The following SCAPER variants were observed in gnomAD, a reference collection of about 807,000 sequenced individuals.
The protein encoded by SCAPER is S-phase cyclin A associated protein in the ER, also known as S phase cyclin A-associated protein in the endoplasmic reticulum.
A neutral mutation model predicts 182.2 loss-of-function variants in SCAPER; 98 were observed. The ratio of observed to expected loss-of-function variants is 0.54; its 90% CI spans 0.46 to 0.64. The LOEUF (loss-of-function observed/expected upper bound fraction) is 0.64, where lower values mean the gene tolerates loss of function less well. SCAPER is among the 30% of genes least tolerant of loss of function. The pLI is 0.00. For missense variants in SCAPER, 1,432 were observed against 1,690.0 expected, an observed-to-expected ratio of 0.85 and a Z score of 2.68; for synonymous variants, 605 against 564.6, an observed-to-expected ratio of 1.07 and a Z score of -1.01.
intron 23 of SCAPER, among the ~76,000 whole-genome samples, chr15:76,509,479 C>T (rs374190031): frequency 7.2e-5 from 11 of 152,298 alleles, no homozygotes; most frequent in East Asian, 3.9e-4. Flanking sequence ...TAGAGCACTG[C>T]TTCCCAAACT....
intron 17 of SCAPER, among the ~76,000 whole-genome samples, chr15:76,716,085 G>A (rs8040539): frequency 0.22 from 33,620 of 151,990 alleles, 4,658 homozygotes; most frequent in Admixed American, 0.35. Flanking sequence ...TCCCTACTTT[G>A]GGGAAGACAA....
Position 76,766,947 on chromosome 15 carries a change from T to C in SCAPER, c.1390A>G (p.Ile464Val), listed in dbSNP as rs1379805307. 6.2e-7 allele frequency: 1 copy of C among 1,606,302 alleles called. No homozygotes were observed. The highest frequency in any genetic ancestry group is 8.5e-7 in the Non-Finnish European group (1 of 1,177,790). Reference sequence around the variant, plus strand: ...AAATCACTGTCGTTGTCAGTTTCAATGTTAATATCATTGTTTTCTTCAGCT... The same window carrying C: ...AAATCACTGTCGTTGTCAGTTTCAACGTTAATATCATTGTTTTCTTCAGCT... Reference protein sequence around the residue: ...IEAEENNDINIETDNDSDFSA... With the variant: ...IEAEENNDINVETDNDSDFSA... The change falls in exon 11 of 32, where the codon ATT (isoleucine) becomes GTT (valine). Residue 464 changes from isoleucine to valine, a missense_variant. Transcript: ENST00000563290.
At chr15:76,893,345 A>G (rs2074261069) in intron 1 of SCAPER, among the ~76,000 whole-genome samples, 1 of 152,224 alleles carries the variant, frequency 6.6e-6, no homozygotes, top group African/African-American at 2.4e-5. Context: ...AAGTCATTAC[A>G]TAATGATAAA....
At chr15:76,543,216 T>C (rs1167360113) in intron 23 of SCAPER, among the ~76,000 whole-genome samples, 2 of 152,186 alleles carry the variant, frequency 1.3e-5, no homozygotes, top group African/African-American at 2.4e-5. Context: ...TTCGCAACTA[T>C]ATGAATTATT....
chr15:76,621,118 T>C (rs1429376339), intron 22 of SCAPER, among the ~76,000 whole-genome samples: 1 of 152,222 alleles, frequency 6.6e-6, no homozygotes, highest in Non-Finnish European at 1.5e-5. Flanking sequence ...AAACTGCTAA[T>C]GCACACTGCT....
chr15:76,371,539 C>T (rs1420064734), intron 29 of SCAPER, among the ~76,000 whole-genome samples: 1 of 151,256 alleles, frequency 6.6e-6, no homozygotes, highest in Non-Finnish European at 1.5e-5. Flanking sequence ...AGGCTGGTCT[C>T]GAGCTCCTGA....
At chr15:76,897,905 G>A (rs897469208) in intron 1 of SCAPER, among the ~76,000 whole-genome samples, 1 of 151,970 alleles carries the variant, frequency 6.6e-6, no homozygotes, top group African/African-American at 2.4e-5. Flanking sequence ...ATTTCCAGGT[G>A]CACTTAGGTA....
At position 76,411,838 on chromosome 15, in the gene SCAPER, G is replaced by T. The variant is rs546397949; in HGVS notation, c.3312-7159C>A. On this transcript the variant is annotated intron_variant, in intron 26 of 31. Coordinates refer to ENST00000563290, the MANE Select transcript of SCAPER (RefSeq NM_020843.4). The stretch of plus-strand genomic sequence containing the variant: ...TTATTGGATTTGAAACAGTACCTTG[G>T]TATGATTTTATTTTGCATTTCCCTG... Among the ~76,000 whole-genome samples, 6 of 152,074 alleles carry T rather than the reference G, an allele frequency of 3.9e-5. No homozygotes were observed. The East Asian group carries it at 9.7e-4, about 25-fold the overall frequency.
chr15:76,411,090 C>T (rs528047760), intron 26 of SCAPER, among the ~76,000 whole-genome samples: 2 of 152,120 alleles, frequency 1.3e-5, no homozygotes, highest in East Asian at 1.9e-4. Flanking sequence ...CAGAAAGATC[C>T]CTTGTTTTCT....
At chr15:76,706,296 A>T (rs2059260868) in intron 17 of SCAPER, among the ~76,000 whole-genome samples, 1 of 152,180 alleles carries the variant, frequency 6.6e-6, no homozygotes, top group Non-Finnish European at 1.5e-5. Context: ...ACTCAATTAA[A>T]CCATTAAAAG....
rs139321065 is a variant in SCAPER, at chr15:76,799,519, C to A, written c.611+729G>T. Among the ~76,000 whole-genome samples, 98 of 152,112 alleles carry A rather than the reference C, an allele frequency of 6.4e-4. 1 individual carries two copies. In the East Asian group the frequency reaches 0.014, roughly 22 times the overall value. ...CTCAAGTGATCCTCCCACCTCGGCT[C>A]CCCAAAGTGCTGGGATTACAGGTGT... On this transcript the variant is annotated intron_variant, in intron 7 of 31. Coordinates refer to ENST00000563290, the MANE Select transcript of SCAPER (RefSeq NM_020843.4).
At chr15:76,630,123 T>C (rs529742822) in intron 21 of SCAPER, among the ~76,000 whole-genome samples, 2 of 152,284 alleles carry the variant, frequency 1.3e-5, no homozygotes, top group East Asian at 3.9e-4. Context: ...TATTCTCTAT[T>C]TCTGTGGGGT....
chr15:76,502,561 G>A (rs1389253852), intron 24 of SCAPER, among the ~76,000 whole-genome samples: 2 of 151,798 alleles, frequency 1.3e-5, no homozygotes, highest in Non-Finnish European at 2.9e-5. Context: ...ATCACACACC[G>A]GGGCCTGTCG....
At chr15:76,472,786 T>G (rs1249768075) in intron 24 of SCAPER, among the ~76,000 whole-genome samples, 1 of 152,240 alleles carries the variant, frequency 6.6e-6, no homozygotes, top group Non-Finnish European at 1.5e-5. Context: ...CTTCCCATTT[T>G]GAGAGACTTC....
At chr15:76,819,599 C>A (rs1468305189) in intron 5 of SCAPER, among the ~76,000 whole-genome samples, 5 of 152,058 alleles carry the variant, frequency 3.3e-5, no homozygotes, top group Non-Finnish European at 7.4e-5. Flanking sequence ...TCATCATCAT[C>A]AAAGACCAAA....
Position 76,771,776 on chromosome 15 carries a change from A to G in SCAPER, c.1214T>C (p.Ile405Thr). 5.0e-6 allele frequency: 8 copies of G among 1,613,112 alleles called. No homozygotes were observed. The highest frequency in any genetic ancestry group is 6.8e-6 in the Non-Finnish European group (8 of 1,179,396). The change falls in exon 10 of 32, where the codon ATA becomes ACA. Residue 405 changes from isoleucine to threonine, a missense_variant. Physicochemically the swap from Ile to Thr is moderately conservative, Grantham distance 89 (BLOSUM62 -1). Around this residue, in one of 5 missense-constraint regions of SCAPER, gnomAD observed 480 missense variants for 510.2 expected, o/e 0.94. Transcript: ENST00000563290. Reference sequence around the variant, plus strand: ...ATCTGAAGGGTCCATTTCATTTTCTATCCTTGCTTTCTCTGCTGGAAATTT... The same window carrying G: ...ATCTGAAGGGTCCATTTCATTTTCTGTCCTTGCTTTCTCTGCTGGAAATTT... ...EEKFPAEKARIENEMDPSDIS... is the reference protein window; with the variant it reads ...EEKFPAEKARTENEMDPSDIS...
chr15:76,560,168 G>C (rs1220854509), intron 23 of SCAPER, among the ~76,000 whole-genome samples: 2 of 151,992 alleles, frequency 1.3e-5, no homozygotes, highest in Non-Finnish European at 2.9e-5. Context: ...ATTGGGTGTG[G>C]GTCCTTTGGG....
chr15:76,587,314 T>C (rs1178988451), intron 22 of SCAPER, among the ~76,000 whole-genome samples: 1 of 152,186 alleles, frequency 6.6e-6, no homozygotes, highest in Non-Finnish European at 1.5e-5. Context: ...CTTGGTTATT[T>C]CTTTTCTTCT....
chr15:76,727,835 T>C (rs1027593434), intron 17 of SCAPER, among the ~76,000 whole-genome samples: 1 of 151,690 alleles, frequency 6.6e-6, no homozygotes, highest in African/African-American at 2.4e-5. Flanking sequence ...CTAGTAAAGA[T>C]AATCCCTAAA....
Sources: gnomAD v4.1 joint callset for allele counts (sites outside exome capture counted in the v4.1 genomes callset) on GRCh38, gnomAD v4.1.1 for gene constraint, gnomAD v4.1.1 regional missense constraint, MANE v1.5 for transcripts, NCBI Gene and HGNC (gene_info 2026-07-23, HGNC 2026-07-21) for gene names.